SGCZ: variants seen among roughly 807,000 people sequenced by gnomAD.
The protein encoded by SGCZ is zeta-sarcoglycan.
A neutral mutation model predicts 41.3 loss-of-function variants in SGCZ; 40 were observed. The ratio of observed to expected loss-of-function variants is 0.97; its 90% CI spans 0.75 to 1.26. The LOEUF is 1.26. SGCZ is among the 50% of genes most tolerant of loss of function. The pLI, the probability that SGCZ is intolerant of heterozygous loss-of-function variation, is 0.00. For missense variants in SGCZ, 552 were observed against 369.8 expected, an observed-to-expected ratio of 1.49 and a Z score of -4.04; for synonymous variants, 206 against 137.5, an observed-to-expected ratio of 1.50 and a Z score of -3.49.
rs188934651 is a variant in SGCZ at position 15,048,834 on chromosome 8, C to T, written c.39+188751G>A. Among the ~76,000 whole-genome samples, 417 of 152,088 alleles carry T rather than the reference C, an allele frequency of 2.7e-3. 1 individual carries two copies. The highest frequency in any genetic ancestry group is 9.2e-3 in the African/African-American group (380 of 41,502). On this transcript the variant is annotated intron_variant, in intron 1 of 7. Coordinates refer to ENST00000382080, the MANE Select transcript of SGCZ (RefSeq NM_139167.4). ...TTTTTTTAACGTAAGAAAAGAGACT[C>T]TTCAGAAACTCCCACTGAATGGACA... is the stretch of plus-strand genomic sequence containing the variant.
At chr8:14,481,904 G>A (rs3848990) in intron 2 of SGCZ, among the ~76,000 whole-genome samples, 111,499 of 151,942 alleles carry the variant, frequency 0.73, 41,811 homozygotes, top group East Asian at 0.95. Context: ...CTGGTTTTCC[G>A]CAGTTGAGAA....
chr8:14,197,842 CAG>C (rs1447945752), intron 4 of SGCZ, among the ~76,000 whole-genome samples: 4 of 151,934 alleles, frequency 2.6e-5, no homozygotes, highest in African/African-American at 9.7e-5. Flanking sequence ...ATGAATAACA[CAG>C]AGTCTGGAAA....
rs1801541430 is a variant in SGCZ, at chr8:14,087,056, C to G, written c.*3387G>C. 6.6e-6 allele frequency among the ~76,000 whole-genome samples: 1 copy of G among 150,690 alleles called. No homozygotes were observed. The highest frequency in any genetic ancestry group is 2.4e-5 in the African/African-American group (1 of 41,436). On this transcript the variant is annotated 3_prime_UTR_variant, in exon 8 of 8. Transcript: ENST00000382080. ...GAACTGGAATTGCTGGCTCCATTTT[C>G]CGAGATTTGAAGTACTGTAATCTAA...
At chr8:14,777,335 T>G (rs1210185921) in intron 1 of SGCZ, among the ~76,000 whole-genome samples, 1 of 152,142 alleles carries the variant, frequency 6.6e-6, no homozygotes, top group Non-Finnish European at 1.5e-5. Context: ...ATTAACGACA[T>G]TTAATTTGTA....
chr8:14,255,881 T>C (rs1799445387), intron 3 of SGCZ, among the ~76,000 whole-genome samples: 1 of 152,134 alleles, frequency 6.6e-6, no homozygotes, highest in Non-Finnish European at 1.5e-5. Context: ...TTTATCTTCA[T>C]TATATTTGAC....
At chr8:14,584,686 G>GTA (rs1805003572) in intron 1 of SGCZ, among the ~76,000 whole-genome samples, 1 of 151,988 alleles carries the variant, frequency 6.6e-6, no homozygotes, top group Admixed American at 6.6e-5. Context: ...TTTATTCATA[G>GTA]TATCTAGAGT....
intron 5 of SGCZ, among the ~76,000 whole-genome samples, chr8:14,114,483 G>C (rs548955576): frequency 1.4e-4 from 22 of 151,890 alleles, no homozygotes; most frequent in African/African-American, 5.3e-4. Context: ...AAGCTGCCAG[G>C]ATTTCTAAAA....
chr8:14,592,042 T>C (rs564537026), intron 1 of SGCZ, among the ~76,000 whole-genome samples: 43 of 152,168 alleles, frequency 2.8e-4, no homozygotes, highest in Non-Finnish European at 5.3e-4. Context: ...AATATTGTTG[T>C]GTCATTATAT....
chr8:14,993,702 T>C (rs1802107005), intron 1 of SGCZ, among the ~76,000 whole-genome samples: 1 of 152,136 alleles, frequency 6.6e-6, no homozygotes. Flanking sequence ...AGATTGTGGA[T>C]GGCAAGTTTG....
At chr8:14,890,113 A>G (rs924573369) in intron 1 of SGCZ, among the ~76,000 whole-genome samples, 1 of 152,034 alleles carries the variant, frequency 6.6e-6, no homozygotes, top group African/African-American at 2.4e-5. Flanking sequence ...GCTACTCGGG[A>G]GGCTGAGGCA....
intron 1 of SGCZ, among the ~76,000 whole-genome samples, chr8:15,166,271 G>A (rs1276946619): frequency 4.8e-5 from 7 of 146,656 alleles, no homozygotes; most frequent in South Asian, 2.1e-4. Flanking sequence ...TTTTTGAGAC[G>A]GAGTCTCGCT....
chr8:15,192,866 T>A (rs1223366990), intron 1 of SGCZ, among the ~76,000 whole-genome samples: 1 of 152,080 alleles, frequency 6.6e-6, no homozygotes, highest in Non-Finnish European at 1.5e-5. Flanking sequence ...TTTTGTTTTA[T>A]TTTAGATATA....
intron 1 of SGCZ, among the ~76,000 whole-genome samples, chr8:14,896,148 T>G (rs1244912778): frequency 6.6e-6 from 1 of 152,154 alleles, no homozygotes; most frequent in Non-Finnish European, 1.5e-5. Flanking sequence ...GGTAGGTGAG[T>G]TACATTTTTG....
intron 4 of SGCZ, 24 bp downstream of exon 4, chr8:14,237,568 C>T (rs534113648): frequency 6.2e-7 from 1 of 1,603,188 alleles, no homozygotes; most frequent in Non-Finnish European, 8.5e-7. Flanking sequence ...ACAGTAGGAG[C>T]AATCTTTACC....
chr8:14,324,804 C>G (rs1246089570), intron 2 of SGCZ, among the ~76,000 whole-genome samples: 1 of 152,022 alleles, frequency 6.6e-6, no homozygotes, highest in Non-Finnish European at 1.5e-5. Flanking sequence ...AAACAGAGTG[C>G]TACTGGGAAT....
Position 14,295,655 on chromosome 8 carries a change from A to G in SGCZ, c.336+28448T>C, listed in dbSNP as rs186749309. Reference sequence around the variant, plus strand: ...GGTCATGGACAACAAAAAATACATAAATGTGACATATTAAAAAATGAAAAC... The same window carrying G: ...GGTCATGGACAACAAAAAATACATAGATGTGACATATTAAAAAATGAAAAC... On this transcript the variant is annotated intron_variant, in intron 3 of 7. Coordinates refer to ENST00000382080, the MANE Select transcript of SGCZ (RefSeq NM_139167.4). Among the ~76,000 whole-genome samples, 31 of 152,258 alleles carry G rather than the reference A, an allele frequency of 2.0e-4. No homozygotes were observed. In the East Asian group the frequency reaches 4.6e-3, roughly 23 times the overall value.
intron 1 of SGCZ, among the ~76,000 whole-genome samples, chr8:15,023,998 G>A (rs576820860): frequency 6.6e-6 from 1 of 152,266 alleles, no homozygotes; most frequent in Non-Finnish European, 1.5e-5. Context: ...TGATATTTAA[G>A]CCATTAAGTA....
intron 1 of SGCZ, among the ~76,000 whole-genome samples, chr8:14,964,838 C>T (rs1801080913): frequency 6.6e-6 from 1 of 152,066 alleles, no homozygotes; most frequent in South Asian, 2.1e-4. Context: ...TACTTATATA[C>T]CTGCAAAAGG....
intron 1 of SGCZ, among the ~76,000 whole-genome samples, chr8:14,555,967 T>C (rs1321497327): frequency 6.6e-6 from 1 of 152,064 alleles, no homozygotes; most frequent in Non-Finnish European, 1.5e-5. Context: ...TTTCATAATG[T>C]AATGAAATTA....
Sources: gnomAD v4.1 joint callset for allele counts (sites outside exome capture counted in the v4.1 genomes callset) on GRCh38, gnomAD v4.1.1 for gene constraint, MANE v1.5 for transcripts, NCBI Gene and HGNC (gene_info 2026-07-23, HGNC 2026-07-21) for gene names.